Variants in FREM2 observed in about 807,000 individuals in gnomAD.
The protein encoded by FREM2 is FRAS1 related extracellular matrix 2, also known as FRAS1-related extracellular matrix protein 2.
In FREM2, 119 loss-of-function variants were observed where a neutral mutation model predicts 219.9. The observed-to-expected ratio is 0.54, with a 90% CI of 0.47 to 0.63. FREM2 has a LOEUF of 0.63. Ranked by LOEUF, FREM2 falls within the 30% of genes least tolerant of loss-of-function variation. The pLI is 0.00. For missense variants in FREM2, 4,030 were observed against 3,993.6 expected, an observed-to-expected ratio of 1.01 and a Z score of -0.25; for synonymous variants, 1,562 against 1,522.8, an observed-to-expected ratio of 1.03 and a Z score of -0.60.
rs761934962 is a variant in FREM2 at position 38,690,828 on chromosome 13, C to T, written c.3484C>T (p.Arg1162Ter). The T allele has an allele frequency of 5.0e-6, 8 of 1,614,010 alleles. No homozygotes were observed. The highest frequency in any genetic ancestry group is 3.3e-5 in the South Asian group (3 of 91,066). Residue 1162 changes from arginine (R) to a stop codon, truncating the protein, a stop_gained, in exon 1 of 24, where the codon CGA (arginine) becomes TGA (stop). Coordinates refer to ENST00000280481, the MANE Select transcript of FREM2 (RefSeq NM_207361.6). LOFTEE classifies it high-confidence loss of function. Reference protein sequence around the residue: ...VHKGVEPVEDRFVFRCSDGIN... With the variant: ...VHKGVEPVED ...TAAAGGGGTGGAACCTGTGGAGGAC[C>T]GATTTGTATTTCGTTGTTCTGATGG...
At chr13:38,764,937 G>A (rs1156705303) in intron 3 of FREM2, among the ~76,000 whole-genome samples, 2 of 152,150 alleles carry the variant, frequency 1.3e-5, no homozygotes, top group African/African-American at 2.4e-5. Flanking sequence ...TTGAGACGGA[G>A]GCTCGCTCTG....
At position 38,688,626 on chromosome 13, in the gene FREM2, A is replaced by G. The variant is rs1869624008; in HGVS notation, c.1282A>G (p.Met428Val). Residue 428 changes from methionine (M) to valine (V), a missense_variant, in exon 1 of 24, where the codon ATG (methionine) becomes GTG (valine). Met to Val is a conservative substitution (Grantham distance 21). Transcript: ENST00000280481. ...EGAASDPFAF[M>V]VVVKPMNTMA... ...AGCAGCTTCAGACCCTTTTGCCTTC[A>G]TGGTAGTGGTGAAGCCCATGAACAC... 3 of 1,613,942 alleles carry G rather than the reference A, an allele frequency of 1.9e-6. No individual in the cohort carries two copies. Among genetic ancestry groups the G allele is most frequent in the African/African-American group, 1.3e-5 (1 of 74,896 alleles).
intron 17 of FREM2, 42 bp downstream of exon 17, chr13:38,872,976 T>G: frequency 6.4e-7 from 1 of 1,568,860 alleles, no homozygotes; most frequent in Non-Finnish European, 8.8e-7. Flanking sequence ...TTTTGTAACC[T>G]ATTTAAACTA....
chr13:38,771,671 T>A lies in FREM2; in HGVS notation c.5641+1863T>A, dbSNP rs555137072. ...TGATAATCTAAGTTGTTTCAGAATT[T>A]TATAGATAAAATTCAGCCCTGTTTA... On this transcript the variant is annotated intron_variant, in intron 4 of 23. Transcript: ENST00000280481. 3.9e-5 allele frequency among the ~76,000 whole-genome samples: 6 copies of A among 152,246 alleles called. No individual in the cohort carries two copies. The South Asian group carries it at 1.2e-3, about 32-fold the overall frequency.
intron 13 of FREM2, 51 bp from the exon 14 acceptor site, chr13:38,859,236 G>T (rs377633496): frequency 9.6e-6 from 15 of 1,567,242 alleles, no homozygotes; most frequent in African/African-American, 1.4e-5. Flanking sequence ...AGAAGAATGC[G>T]TTCCACCTGT....
At position 38,690,310 on chromosome 13, in the gene FREM2, C is replaced by T. The variant is rs756161507; in HGVS notation, c.2966C>T (p.Pro989Leu). 1.2e-6 allele frequency: 2 copies of T among 1,614,126 alleles called. No homozygotes were observed. Among genetic ancestry groups the T allele is most frequent in the East Asian group, 4.5e-5 (2 of 44,868 alleles). ...LMLTFLLEDP[P>L]LYGEILVNGI... is the part of the protein sequence containing the mutation. ...TTGACTTTCCTCTTGGAAGATCCAC[C>T]TTTGTATGGGGAAATCTTGGTCAAT... is the stretch of plus-strand genomic sequence containing the variant. Residue 989 changes from proline to leucine, a missense_variant, in exon 1 of 24, where the codon CCT becomes CTT. By Grantham distance (98) the Pro-to-Leu change is moderately conservative (BLOSUM62 -3). Coordinates refer to ENST00000280481, the MANE Select transcript of FREM2 (RefSeq NM_207361.6).
chr13:38,701,218 C>T (rs1870329947), intron 2 of FREM2, among the ~76,000 whole-genome samples: 1 of 152,086 alleles, frequency 6.6e-6, no homozygotes, highest in South Asian at 2.1e-4. Context: ...ATAAGGCACT[C>T]ACCCAGGTGT....
intron 4 of FREM2, among the ~76,000 whole-genome samples, chr13:38,771,967 TA>T (rs1448684221): frequency 6.6e-6 from 1 of 152,178 alleles, no homozygotes; most frequent in Non-Finnish European, 1.5e-5. Context: ...AATCTAATGT[TA>T]GATTTCATTT....
intron 6 of FREM2, among the ~76,000 whole-genome samples, chr13:38,818,130 C>T (rs1875842616): frequency 6.6e-6 from 1 of 152,116 alleles, no homozygotes; most frequent in Non-Finnish European, 1.5e-5. Context: ...ATGGCGGTTC[C>T]TCAATTAACT....
intron 2 of FREM2, among the ~76,000 whole-genome samples, chr13:38,698,283 ACCAAT>A (rs1870198753): frequency 7.2e-5 from 11 of 152,260 alleles, no homozygotes; most frequent in Middle Eastern, 3.4e-3. Context: ...GTTTTATCTC[ACCAAT>A]CTCAGGACTT....
chr13:38,819,935 A>G (rs1047315227), intron 6 of FREM2, among the ~76,000 whole-genome samples: 2 of 152,162 alleles, frequency 1.3e-5, no homozygotes, highest in African/African-American at 2.4e-5. Context: ...TGATTCTACA[A>G]TGTAATACTC....
intron 6 of FREM2, among the ~76,000 whole-genome samples, chr13:38,832,010 A>G (rs957717613): frequency 2.0e-5 from 3 of 152,104 alleles, no homozygotes; most frequent in Admixed American, 6.6e-5. Context: ...TATGTAAAGT[A>G]TTTATTGAAA....
At chr13:38,825,969 CTGATA>C (rs1432182392) in intron 6 of FREM2, among the ~76,000 whole-genome samples, 5 of 152,078 alleles carry the variant, frequency 3.3e-5, no homozygotes, top group East Asian at 1.9e-4. Flanking sequence ...AAAATGTTAT[CTGATA>C]TAAGAAGTCA....
chr13:38,762,655 G>A (rs1593391656), intron 2 of FREM2, among the ~76,000 whole-genome samples: 1 of 151,868 alleles, frequency 6.6e-6, no homozygotes, highest in East Asian at 1.9e-4. Flanking sequence ...GTTAGGCTGG[G>A]CTTGAACTCC....
chr13:38,754,751 C>T (rs1872913492), intron 2 of FREM2, among the ~76,000 whole-genome samples: 1 of 151,810 alleles, frequency 6.6e-6, no homozygotes, highest in African/African-American at 2.4e-5. Flanking sequence ...ACTTGAGTTC[C>T]AGTTGTTTTT....
chr13:38,745,980 A>G (rs1173752961), intron 2 of FREM2, among the ~76,000 whole-genome samples: 1 of 152,006 alleles, frequency 6.6e-6, no homozygotes, highest in Non-Finnish European at 1.5e-5. Flanking sequence ...TAATTTCTCT[A>G]TTTGAGGGAT....
intron 6 of FREM2, among the ~76,000 whole-genome samples, chr13:38,802,287 G>T (rs9548459): frequency 0.64 from 97,108 of 152,036 alleles, 31,595 homozygotes; most frequent in Non-Finnish European, 0.7. Flanking sequence ...AGGTAGCTGT[G>T]GGATGCATGG....
chr13:38,806,002 CTT>C (rs539709715), intron 6 of FREM2, among the ~76,000 whole-genome samples: 8 of 142,154 alleles, frequency 5.6e-5, no homozygotes, highest in African/African-American at 5.1e-5. Context: ...CATTTAACAT[CTT>C]TTTTTTTTTT....
rs1870537092 is a variant in FREM2, at chr13:38,706,287, TA to T, written c.5263+8502del. On this transcript the variant is annotated intron_variant, in intron 2 of 23. Coordinates refer to ENST00000280481, the MANE Select transcript of FREM2 (RefSeq NM_207361.6). ...TGCAAATCTCTAATACACTGAGCCA[TA>T]AGTGGTTGGAGAGATTGATTAAATG... is the stretch of plus-strand genomic sequence containing the variant. Among the ~76,000 whole-genome samples the T allele has an allele frequency of 2.0e-5, 3 of 152,280 alleles. No individual in the cohort carries two copies. The South Asian group carries it at 6.2e-4, about 32-fold the overall frequency.
Sources: gnomAD v4.1 joint callset for allele counts (sites outside exome capture counted in the v4.1 genomes callset) on GRCh38, gnomAD v4.1.1 for gene constraint, MANE v1.5 for transcripts, NCBI Gene and HGNC (gene_info 2026-07-23, HGNC 2026-07-21) for gene names.